ANKRD6: variants seen among roughly 807,000 people sequenced by gnomAD.
ANKRD6 encodes ankyrin repeat domain-containing protein 6.
ANKRD6 carries 56 observed loss-of-function variants against 82.3 expected under a neutral mutation model. The ratio of observed to expected loss-of-function variants is 0.68; its 90% confidence interval spans 0.55 to 0.85. The LOEUF is 0.85. Among genes scored for constraint, ANKRD6 ranks in the 40% least tolerant of loss-of-function variants. The probability of loss-of-function intolerance (pLI) is 0.00; values close to 1 mark genes in which losing one functional copy is unlikely to be tolerated. For synonymous variants in ANKRD6, 347 were observed against 352.1 expected (o/e 0.99, Z 0.16); for missense variants, 852 against 907.6 (o/e 0.94, Z 0.79).
intron 1 of ANKRD6, among the ~76,000 whole-genome samples, chr6:89,542,504 AC>A (rs936844269): frequency 1.3e-5 from 2 of 151,656 alleles, no homozygotes; most frequent in Admixed American, 6.6e-5. Context: ...CTCTTTGACC[AC>A]CCCCCCGCTT....
chr6:89,579,931 C>T (rs1277072320), intron 2 of ANKRD6, among the ~76,000 whole-genome samples: 1 of 152,078 alleles, frequency 6.6e-6, no homozygotes, highest in Non-Finnish European at 1.5e-5. Flanking sequence ...AGTTGAAGGA[C>T]TTCTGCTACC....
At chr6:89,554,673 G>T (rs534621368) in intron 1 of ANKRD6, among the ~76,000 whole-genome samples, 1 of 152,074 alleles carries the variant, frequency 6.6e-6, no homozygotes, top group Non-Finnish European at 1.5e-5. Flanking sequence ...CGTATTGTTC[G>T]TGTGACAGGC....
At chr6:89,535,111 A>G (rs540401951) in intron 1 of ANKRD6, among the ~76,000 whole-genome samples, 58 of 152,316 alleles carry the variant, frequency 3.8e-4, no homozygotes, top group African/African-American at 1.3e-3. Context: ...AACAAGAGTA[A>G]AGTTCTCATT....
chr6:89,621,498 G>A (rs1803284554), intron 9 of ANKRD6: 1 of 175,608 alleles, frequency 5.7e-6, no homozygotes. Context: ...TGCTGGGCTA[G>A]CTCAAGTCCA....
At chr6:89,597,178 TC>T (rs1173338010) in intron 3 of ANKRD6, among the ~76,000 whole-genome samples, 1 of 152,254 alleles carries the variant, frequency 6.6e-6, no homozygotes, top group Non-Finnish European at 1.5e-5. Flanking sequence ...TCTGGTTATA[TC>T]TGGAACTTGC....
chr6:89,533,639 C>G (rs141286561), intron 1 of ANKRD6, among the ~76,000 whole-genome samples: 5 of 152,178 alleles, frequency 3.3e-5, no homozygotes, highest in Non-Finnish European at 2.9e-5. Flanking sequence ...GAATGCTGCT[C>G]TCTGCTTACT....
At chr6:89,616,160 T>C (rs970544612) in intron 7 of ANKRD6, among the ~76,000 whole-genome samples, 2 of 152,070 alleles carry the variant, frequency 1.3e-5, no homozygotes, top group African/African-American at 4.8e-5. Flanking sequence ...CACCAAGCAG[T>C]TTTCTGACCT....
chr6:89,603,154 C>T (rs747908644), intron 4 of ANKRD6, 27 bp downstream of exon 4: 2 of 1,573,910 alleles, frequency 1.3e-6, no homozygotes, highest in South Asian at 2.3e-5. Context: ...CTTCCTTACT[C>T]CCCAAGGCAA....
intron 1 of ANKRD6, among the ~76,000 whole-genome samples, chr6:89,498,682 A>C (rs1372149112): frequency 1.3e-5 from 2 of 152,192 alleles, no homozygotes; most frequent in Non-Finnish European, 2.9e-5. Context: ...CAAATTTGCT[A>C]ATCTGAAATT....
chr6:89,600,773 C>T (rs1002398755), intron 3 of ANKRD6, among the ~76,000 whole-genome samples: 2 of 152,178 alleles, frequency 1.3e-5, no homozygotes, highest in African/African-American at 2.4e-5. Flanking sequence ...CGGTGGCTCG[C>T]GCCTGTAATC....
chr6:89,484,665 C>T (rs1263385641), intron 1 of ANKRD6, among the ~76,000 whole-genome samples: 1 of 152,176 alleles, frequency 6.6e-6, no homozygotes, highest in Non-Finnish European at 1.5e-5. Context: ...TATTCAGATA[C>T]ATTTTTGCTC....
intron 2 of ANKRD6, among the ~76,000 whole-genome samples, chr6:89,595,375 G>A (rs1328419990): frequency 1.3e-5 from 2 of 151,960 alleles, no homozygotes; most frequent in Admixed American, 6.6e-5. Context: ...GTGGGGAGCC[G>A]AGATGGCGTC....
At chr6:89,464,537 A>G (rs1290110375) in intron 1 of ANKRD6, among the ~76,000 whole-genome samples, 3 of 152,206 alleles carry the variant, frequency 2.0e-5, no homozygotes, top group African/African-American at 7.2e-5. Flanking sequence ...ATACACAGGA[A>G]AAGATTCTGT....
chr6:89,544,837 G>T (rs1046998837), intron 1 of ANKRD6, among the ~76,000 whole-genome samples: 5 of 152,324 alleles, frequency 3.3e-5, no homozygotes, highest in African/African-American at 7.2e-5. Flanking sequence ...AGGACGGGAA[G>T]CATCATCTTA....
chr6:89,483,005 A>G (rs1269982168), intron 1 of ANKRD6, among the ~76,000 whole-genome samples: 2 of 152,250 alleles, frequency 1.3e-5, no homozygotes, highest in Non-Finnish European at 2.9e-5. Flanking sequence ...TAAACAAACC[A>G]AAACTCCAGA....
intron 1 of ANKRD6, among the ~76,000 whole-genome samples, chr6:89,530,368 G>A (rs545548601): frequency 6.6e-6 from 1 of 151,962 alleles, no homozygotes; most frequent in South Asian, 2.1e-4. Flanking sequence ...TCAAGGTAAG[G>A]TTGCCACAAA....
intron 1 of ANKRD6, among the ~76,000 whole-genome samples, chr6:89,500,512 C>T (rs1779147634): frequency 6.6e-6 from 1 of 152,094 alleles, no homozygotes; most frequent in Non-Finnish European, 1.5e-5. Flanking sequence ...TTTAATAAAG[C>T]AATACATTAA....
Position 89,537,896 on chromosome 6 carries a change from A to AAAAAG in ANKRD6, c.-143-28928_-143-28924dup, listed in dbSNP as rs1562754891. Among the ~76,000 whole-genome samples, 641 of 132,660 alleles carry AAAAAG rather than the reference A, an allele frequency of 4.8e-3. 3 individuals are homozygous for AAAAAG. The highest frequency in any genetic ancestry group is 5.8e-3 in the Non-Finnish European group (367 of 62,938). 87.0% of individuals were successfully genotyped at this position (132,660 alleles called of 152,430 possible). A position where few individuals can be genotyped will look rare whatever the true frequency, so the allele number is the denominator to read the frequency against. On this transcript the variant is annotated intron_variant, in intron 1 of 15. Coordinates refer to ENST00000339746, the MANE Select transcript of ANKRD6 (RefSeq NM_001242809.2). ...CAATGTCTCAAAAAAAAAAAAAAAA[A>AAAAAG]AAAAGAAAAGAAAAAAGGCAAGAAT... is the stretch of plus-strand genomic sequence containing the variant.
intron 1 of ANKRD6, among the ~76,000 whole-genome samples, chr6:89,435,444 C>T (rs770470691): frequency 3.9e-5 from 6 of 152,250 alleles, no homozygotes; most frequent in Non-Finnish European, 7.4e-5. Context: ...AGGAAGTTTC[C>T]CAACAAGCAT....
Sources: gnomAD v4.1 joint callset for allele counts (sites outside exome capture counted in the v4.1 genomes callset) on GRCh38, gnomAD v4.1.1 for gene constraint, MANE v1.5 for transcripts, NCBI Gene and HGNC (gene_info 2026-07-23, HGNC 2026-07-21) for gene names.